RPS24: variants seen among roughly 807,000 people sequenced by gnomAD.
RPS24 encodes the protein ribosomal protein S24, also known as small ribosomal subunit protein eS24.
For missense variants in RPS24, 100 were observed against 162.5 expected, an observed-to-expected ratio of 0.62 and a Z score of 2.09; for synonymous variants, 72 against 55.6, an observed-to-expected ratio of 1.30 and a Z score of -1.31.
chr10:78,047,256 G>C (rs1273131668), intron 4 of RPS24, among the ~76,000 whole-genome samples: 1 of 151,940 alleles, frequency 6.6e-6, no homozygotes, highest in Non-Finnish European at 1.5e-5. Flanking sequence ...GTGAGCCACC[G>C]CGTCCAGCCA....
At chr10:78,036,485 T>C (rs1247635623) in intron 3 of RPS24, 1 of 153,396 alleles carries the variant, frequency 6.5e-6, no homozygotes, top group Non-Finnish European at 1.5e-5. Flanking sequence ...TTTGTATTTT[T>C]AGTAGAGACT....
At chr10:78,049,786 C>A (rs764872448) in intron 4 of RPS24, among the ~76,000 whole-genome samples, 8 of 152,224 alleles carry the variant, frequency 5.3e-5, no homozygotes, top group African/African-American at 1.9e-4. Context: ...AAAGGCCAGA[C>A]CAGAAGTCAC....
chr10:78,049,506 C>G lies in RPS24; in HGVS notation c.391-5025C>G, dbSNP rs113649777. Among the ~76,000 whole-genome samples the G allele has an allele frequency of 3.5e-3, 535 of 152,294 alleles. 2 individuals carry two copies. Among genetic ancestry groups the G allele is most frequent in the African/African-American group, 0.012 (487 of 41,556 alleles). On this transcript the variant is annotated intron_variant, in intron 4 of 4. Coordinates refer to the RPS24 transcript ENST00000440692. ...TAAGAACCCCCTGGATGCCCAGGAG[C>G]CTTCAGGGTTGGTGGACACTGCAGT... is the stretch of plus-strand genomic sequence containing the variant.
chr10:78,042,223 G>A (rs1847993712), downstream of RPS24, among the ~76,000 whole-genome samples: 7 of 152,190 alleles, frequency 4.6e-5, no homozygotes, highest in Admixed American at 4.6e-4. Context: ...GGTATTCTCT[G>A]GTCTCCACAG....
At chr10:78,053,186 C>CAA (rs57899265) in intron 4 of RPS24, among the ~76,000 whole-genome samples, 212 of 140,970 alleles carry the variant, frequency 1.5e-3, no homozygotes, top group Middle Eastern at 7.5e-3. Context: ...ACAACAACAA[C>CAA]AAAAAAAAAA....
intron 4 of RPS24, among the ~76,000 whole-genome samples, chr10:78,050,226 G>A (rs1202111444): frequency 6.6e-6 from 1 of 152,042 alleles, no homozygotes; most frequent in Non-Finnish European, 1.5e-5. Context: ...GCCACAACCA[G>A]GATTTTATTG....
chr10:78,034,041 G>A, intron 1 of RPS24, 137 bp downstream of exon 1: 4 of 1,124,690 alleles, frequency 3.6e-6, no homozygotes, highest in Non-Finnish European at 5.4e-6. Flanking sequence ...GATGGTTGTC[G>A]AGGGGCTCGG....
downstream of RPS24, chr10:78,040,827 G>T (rs1032212544): frequency 2.6e-5 from 18 of 682,332 alleles, no homozygotes; most frequent in Middle Eastern, 3.9e-4. Context: ...TCATGGGGTG[G>T]TGTTTGTTTG....
chr10:78,035,624 A>G lies in RPS24; in HGVS notation c.183A>G (p.Arg61=). ...ATGTCATCTTTGTATTTGGATTCAG[A>G]ACTCATTTTGGTGGTGGCAAGACAA... ...TPDVIFVFGF[R]THFGGGKTTG... is the part of the protein sequence containing the mutation. Residue 61 remains arginine (R), a synonymous_variant, in exon 3 of 6, where the codon AGA becomes AGG. Transcript: ENST00000372360. 2 of 1,611,756 alleles carry G rather than the reference A, an allele frequency of 1.2e-6. No individual in the cohort carries two copies. Among genetic ancestry groups the G allele is most frequent in the Non-Finnish European group, 1.7e-6 (2 of 1,179,980 alleles).
At chr10:78,035,318 G>T in intron 1 of RPS24, 34 bp from the exon 2 acceptor site, 1 of 1,603,024 alleles carries the variant, frequency 6.2e-7, no homozygotes, top group Admixed American at 1.7e-5. Flanking sequence ...AAAAGTTGGA[G>T]TAGTTTTATT....
rs111260760 is a variant in RPS24 at position 78,034,147 on chromosome 10, C to T, written c.3+243C>T. ...CGCCTGGGCAGTGCAGGAGCTGTTGCGCTTGTTGACTTCGTGGAGCACGGT... is the reference window on the plus strand; with the variant it reads ...CGCCTGGGCAGTGCAGGAGCTGTTGTGCTTGTTGACTTCGTGGAGCACGGT... On this transcript the variant is annotated intron_variant, in intron 1 of 5. Coordinates refer to ENST00000372360, the MANE Select transcript of RPS24 (RefSeq NM_033022.4). 1,561 of 314,632 alleles carry T rather than the reference C, an allele frequency of 5.0e-3. 15 individuals carry two copies. Among genetic ancestry groups the T allele is most frequent in the African/African-American group, 0.03 (1,285 of 43,348 alleles). The allele number at this position is 314,632 out of a possible 1,614,324, so 19.5% of individuals were successfully genotyped here. A position where few individuals can be genotyped will look rare whatever the true frequency, so the allele number is the denominator to read the frequency against.
intron 4 of RPS24, chr10:78,048,931 G>T (rs1848072145): frequency 6.6e-6 from 1 of 150,822 alleles, no homozygotes; most frequent in Non-Finnish European, 1.5e-5. Flanking sequence ...GTTAACTGCA[G>T]CTGTCCTTGG....
chr10:78,040,302 A>G, intron 5 of RPS24, 77 bp downstream of exon 5: 1 of 1,205,278 alleles, frequency 8.3e-7, no homozygotes. Flanking sequence ...TTAAAAGCAG[A>G]TCATGTGTAG....
chr10:78,043,655 GTAGT>G (rs1206618079), downstream of RPS24, among the ~76,000 whole-genome samples: 2 of 152,204 alleles, frequency 1.3e-5, no homozygotes, highest in East Asian at 3.8e-4. Flanking sequence ...AAGCTCTGAG[GTAGT>G]TAATGACGAT....
In RPS24 at chr10:78,053,183, C is replaced by CAAAA. The variant is rs1456735363; in HGVS notation, c.391-1346_391-1345insAAAA. Among the ~76,000 whole-genome samples, 9 of 97,986 alleles carry CAAAA rather than the reference C, an allele frequency of 9.2e-5. No individual in the cohort carries two copies. The Admixed American group carries it at 1.0e-3, about 11-fold the overall frequency. 64.3% of individuals were successfully genotyped at this position (97,986 alleles called of 152,430 possible). A position where few individuals can be genotyped will look rare whatever the true frequency, so the allele number is the denominator to read the frequency against. ...AAACAAACAAAAACAACAACAACAA[C>CAAAA]AACAAAAAAAAAAAAAGAAAAGAAA... is the stretch of plus-strand genomic sequence containing the variant. On this transcript the variant is annotated intron_variant, in intron 4 of 4. Transcript: ENST00000440692.
intron 4 of RPS24, among the ~76,000 whole-genome samples, chr10:78,048,104 C>A (rs567198097): frequency 6.6e-6 from 1 of 152,154 alleles, no homozygotes; most frequent in Non-Finnish European, 1.5e-5. Flanking sequence ...TCAAGGACCT[C>A]GGATTGCAGG....
chr10:78,037,234 G>A lies in RPS24; in HGVS notation c.320G>A (p.Arg107Gln). ...AAGAAAAAGACCTCAAGAAAGCAAC[G>A]AAAGGAACGCAAGAACAGAATGAAG... Reference protein sequence around the residue: ...YEKKKTSRKQRKERKNRMKKV... With the variant: ...YEKKKTSRKQQKERKNRMKKV... Residue 107 changes from arginine (R) to glutamine (Q), a missense_variant, in exon 4 of 6, where the codon CGA (arginine) becomes CAA (glutamine). Coordinates refer to ENST00000372360, the MANE Select transcript of RPS24 (RefSeq NM_033022.4). 2.5e-6 allele frequency: 4 copies of A among 1,608,060 alleles called. No individual in the cohort carries two copies. The highest frequency in any genetic ancestry group is 3.4e-6 in the Non-Finnish European group (4 of 1,177,290).
chr10:78,034,083 T>G, intron 1 of RPS24, 179 bp downstream of exon 1: 1 of 669,668 alleles, frequency 1.5e-6, no homozygotes, highest in Non-Finnish European at 2.7e-6. Flanking sequence ...GCTGGCGGGC[T>G]GCGCTGTAGA....
At chr10:78,054,486 C>T in intron 4 of RPS24, 5 of 1,488,042 alleles carry the variant, frequency 3.4e-6, no homozygotes, top group Non-Finnish European at 4.5e-6. Context: ...CTGGAAGGCA[C>T]CTGGACAATC....
Sources: gnomAD v4.1 joint callset for allele counts (sites outside exome capture counted in the v4.1 genomes callset) on GRCh38, gnomAD v4.1.1 for gene constraint, MANE v1.5 for transcripts, NCBI Gene and HGNC (gene_info 2026-07-23, HGNC 2026-07-21) for gene names.